The following PHC2 variants were observed in gnomAD, a reference collection of about 807,000 sequenced individuals.
PHC2 encodes the protein polyhomeotic-like protein 2.
A neutral mutation model predicts 87.4 loss-of-function variants in PHC2; 29 were observed. The ratio of observed to expected loss-of-function variants is 0.33; its 90% CI spans 0.25 to 0.45. The LOEUF (loss-of-function observed/expected upper bound fraction) is 0.45. Among genes scored for constraint, PHC2 ranks in the 20% least tolerant of loss-of-function variants. The pLI is 1.00. For synonymous variants in PHC2, 438 were observed against 461.7 expected, an observed-to-expected ratio of 0.95 and a Z score of 0.66; for missense variants, 857 against 1,136.7, an observed-to-expected ratio of 0.75 and a Z score of 3.54.
intron 1 of PHC2, among the ~76,000 whole-genome samples, chr1:33,409,238 C>A (rs1649888572): frequency 6.6e-6 from 1 of 152,062 alleles, no homozygotes; most frequent in Non-Finnish European, 1.5e-5. Flanking sequence ...GATTCAGCTA[C>A]CTGAGTGGTC....
intron 1 of PHC2, among the ~76,000 whole-genome samples, chr1:33,404,329 G>A (rs138264175): frequency 0.028 from 4,258 of 151,844 alleles, 78 homozygotes; most frequent in Non-Finnish European, 0.045. Flanking sequence ...AATAATTTTG[G>A]TGATGCCTGT....
intron 9 of PHC2, chr1:33,346,411 C>CT (rs1646845441): frequency 3.0e-6 from 3 of 985,282 alleles, no homozygotes; most frequent in Non-Finnish European, 3.6e-6. Context: ...AAAAGAGAAA[C>CT]TATCAATTAT....
intron 1 of PHC2, among the ~76,000 whole-genome samples, chr1:33,402,232 T>C (rs889658658): frequency 1.3e-5 from 2 of 152,044 alleles, no homozygotes; most frequent in Non-Finnish European, 2.9e-5. Context: ...AAAACTACAA[T>C]AGGATAAAAT....
intron 1 of PHC2, among the ~76,000 whole-genome samples, chr1:33,402,993 T>A (rs1006525554): frequency 5.3e-5 from 8 of 151,816 alleles, no homozygotes; most frequent in African/African-American, 1.9e-4. Context: ...TTTTTTATTT[T>A]TTTATTTTTA....
chr1:33,351,718 G>A (rs1025833752), intron 9 of PHC2, among the ~76,000 whole-genome samples: 1 of 152,070 alleles, frequency 6.6e-6, no homozygotes, highest in Non-Finnish European at 1.5e-5. Context: ...TTGGGAGGCC[G>A]AGGCGGGCAG....
chr1:33,343,094 T>A (rs980615545), intron 9 of PHC2, among the ~76,000 whole-genome samples: 2 of 152,208 alleles, frequency 1.3e-5, no homozygotes, highest in Middle Eastern at 3.4e-3. Context: ...TCAGTAAATA[T>A]TATATATGTA....
At chr1:33,394,550 G>A (rs1177842574) in intron 1 of PHC2, among the ~76,000 whole-genome samples, 1 of 152,092 alleles carries the variant, frequency 6.6e-6, no homozygotes. Context: ...GGGGAGCAGA[G>A]AGGCAATGTT....
chr1:33,398,844 T>C (rs1013023884), intron 1 of PHC2, among the ~76,000 whole-genome samples: 4 of 152,170 alleles, frequency 2.6e-5, no homozygotes, highest in African/African-American at 4.8e-5. Context: ...GAGGGCACAG[T>C]TGGCTAAAGT....
intron 1 of PHC2, among the ~76,000 whole-genome samples, chr1:33,427,401 G>A (rs1209029560): frequency 6.6e-6 from 1 of 152,166 alleles, no homozygotes; most frequent in South Asian, 2.1e-4. Context: ...AAATAATGAA[G>A]CAGACAGGGA....
chr1:33,377,718 A>G (rs1648257237), intron 1 of PHC2, among the ~76,000 whole-genome samples: 1 of 151,988 alleles, frequency 6.6e-6, no homozygotes, highest in South Asian at 2.1e-4. Flanking sequence ...AATTTTTCAT[A>G]CTAATGAGAG....
rs1023309343 is a variant in PHC2, at chr1:33,349,609, C to G, written c.1558+4792G>C. ...CCCCGGCACTGACCTGTCCAGGGCC[C>G]GGCTGGGCCTGGCCGGGCGGGGCCT... On this transcript the variant is annotated intron_variant, in intron 9 of 14. Coordinates refer to ENST00000683057, the MANE Select transcript of PHC2 (RefSeq NM_001385109.1). The surrounding 1 kb of genome is among the most constrained non-coding windows in gnomAD (Gnocchi z 4.2). The G allele has an allele frequency of 1.5e-4, 148 of 983,730 alleles. No individual in the cohort carries two copies. Among genetic ancestry groups the G allele is most frequent in the Non-Finnish European group, 1.7e-4 (143 of 829,340 alleles). 60.9% of individuals were successfully genotyped at this position (983,730 alleles called of 1,614,324 possible).
intron 1 of PHC2, among the ~76,000 whole-genome samples, chr1:33,407,870 A>C (rs374991700): frequency 2.0e-5 from 3 of 152,348 alleles, no homozygotes; most frequent in African/African-American, 4.8e-5. Context: ...GAAGTTAAAA[A>C]CAATGAAGTA....
chr1:33,338,147 A>G (rs1425173285), intron 9 of PHC2, among the ~76,000 whole-genome samples: 38 of 152,264 alleles, frequency 2.5e-4, no homozygotes, highest in Non-Finnish European at 5.9e-5. Flanking sequence ...ATTAATGTTC[A>G]CTGCAAGACA....
intron 7 of PHC2, among the ~76,000 whole-genome samples, chr1:33,356,840 A>G (rs945242688): frequency 3.3e-5 from 5 of 151,640 alleles, no homozygotes; most frequent in Admixed American, 2.0e-4. Context: ...CCGGGCAGAG[A>G]GGCTCCTCAC....
rs1491034059 is a variant in PHC2, at chr1:33,389,074, AAG to A, written c.-54-13483_-54-13482del. Among the ~76,000 whole-genome samples, 12 of 137,336 alleles carry A rather than the reference AAG, an allele frequency of 8.7e-5. No homozygotes were observed. The South Asian group carries it at 1.5e-3, about 17-fold the overall frequency. 90.1% of individuals were successfully genotyped at this position (137,336 alleles called of 152,430 possible). A position where few individuals can be genotyped will look rare whatever the true frequency, so the allele number is the denominator to read the frequency against. On this transcript the variant is annotated intron_variant, in intron 1 of 14. Transcript: ENST00000683057. ...ATGTTCTTGTTAAAAAAAAAAAAAA[AAG>A]AAAGAAAGAAAAAAAACCCCCTCAC...
rs549670805 is a variant in PHC2, at chr1:33,331,206, T to C, written c.2006+142A>G. 1.6e-4 allele frequency: 80 copies of C among 499,840 alleles called. No homozygotes were observed. Among genetic ancestry groups the C allele is most frequent in the African/African-American group, 1.4e-3 (71 of 51,942 alleles). 31.0% of individuals were successfully genotyped at this position (499,840 alleles called of 1,614,324 possible). A position where few individuals can be genotyped will look rare whatever the true frequency, so the allele number is the denominator to read the frequency against. The stretch of plus-strand genomic sequence containing the variant: ...CTTCTCGTGCTTGTTGAATTAGGGA[T>C]GCCATCCTGCTTCCAGGTGGGTCGA... On this transcript the variant is annotated intron_variant, in intron 12 of 14. Coordinates refer to ENST00000683057, the MANE Select transcript of PHC2 (RefSeq NM_001385109.1). This position sits in a 1 kb window ranked among gnomAD's most constrained non-coding sequence, Gnocchi z 5.2.
chr1:33,329,992 G>A, intron 13 of PHC2, 79 bp downstream of exon 13: 1 of 1,511,898 alleles, frequency 6.6e-7, no homozygotes, highest in South Asian at 1.2e-5. Flanking sequence ...CAGCTGGAGG[G>A]GACCGTGGTG....
At chr1:33,325,161 T>G in intron 14 of PHC2, 142 bp from the exon 15 acceptor site, 1 of 815,140 alleles carries the variant, frequency 1.2e-6, no homozygotes, top group Non-Finnish European at 1.9e-6. Context: ...AGGAAGGCGC[T>G]GCTGTTCTTA....
At chr1:33,394,558 G>A (rs1299755046) in intron 1 of PHC2, among the ~76,000 whole-genome samples, 2 of 152,018 alleles carry the variant, frequency 1.3e-5, no homozygotes, top group Non-Finnish European at 2.9e-5. Flanking sequence ...GAGAGGCAAT[G>A]TTTTTATTTT....
Sources: gnomAD v4.1 joint callset for allele counts (sites outside exome capture counted in the v4.1 genomes callset) on GRCh38, gnomAD v4.1.1 for gene constraint, Gnocchi (gnomAD v3.1) non-coding constraint, MANE v1.5 for transcripts, NCBI Gene and HGNC (gene_info 2026-07-23, HGNC 2026-07-21) for gene names.